CASP8: variants seen among roughly 807,000 people sequenced by gnomAD.
The protein encoded by CASP8 is caspase 8.
CASP8 carries 24 observed loss-of-function variants against 46.3 expected under a neutral mutation model. The observed-to-expected ratio is 0.52, with a 90% CI of 0.38 to 0.73. CASP8 has a LOEUF of 0.73. Ranked by LOEUF, CASP8 falls within the 30% of genes least tolerant of loss-of-function variation. CASP8 has a pLI of 0.00. For synonymous variants in CASP8, 188 were observed against 200.4 expected, an observed-to-expected ratio of 0.94 and a Z score of 0.52; for missense variants, 460 against 559.0, an observed-to-expected ratio of 0.82 and a Z score of 1.79.
chr2:201,247,095 AG>A (rs1559332601), intron 2 of CASP8, among the ~76,000 whole-genome samples: 2 of 148,294 alleles, frequency 1.3e-5, no homozygotes, highest in Non-Finnish European at 3.0e-5. Context: ...GAGCTGAGGC[AG>A]GAGAATTGCT....
intron 2 of CASP8, among the ~76,000 whole-genome samples, chr2:201,246,501 A>C (rs140346446): frequency 6.6e-6 from 1 of 152,300 alleles, no homozygotes; most frequent in Non-Finnish European, 1.5e-5. Context: ...TGAAAAAAAC[A>C]TATTATTATG....
chr2:201,277,339 T>C (rs1162137801), intron 7 of CASP8, among the ~76,000 whole-genome samples: 1 of 152,194 alleles, frequency 6.6e-6, no homozygotes. Context: ...TTTTTACAGG[T>C]TGGGCTGTTA....
chr2:201,236,635 A>G (rs1299703286), intron 2 of CASP8, among the ~76,000 whole-genome samples: 1 of 152,170 alleles, frequency 6.6e-6, no homozygotes, highest in East Asian at 1.9e-4. Flanking sequence ...CCCAGGCTGG[A>G]GTGCAGTGGT....
chr2:201,267,874 T>C (rs765512865), intron 2 of CASP8, among the ~76,000 whole-genome samples: 6 of 152,208 alleles, frequency 3.9e-5, no homozygotes, highest in Non-Finnish European at 7.4e-5. Flanking sequence ...AATGCTCTGG[T>C]CTTTCTATTC....
At position 201,269,519 on chromosome 2, in the gene CASP8, C is replaced by G. The variant is rs377216101; in HGVS notation, c.306-1997C>G. ...TCTTGGTCCTTTGAAGGTTCCACTT[C>G]TGCCGCATGAGCTGGGCTGAAGCAA... On this transcript the variant is annotated intron_variant, in intron 2 of 8. Transcript: ENST00000673742. The G allele has an allele frequency of 3.1e-6, 5 of 1,612,914 alleles. No individual in the cohort carries two copies. The African/African-American group carries it at 6.7e-5, about 22-fold the overall frequency.
At chr2:201,247,517 A>C (rs1576221738) in intron 2 of CASP8, among the ~76,000 whole-genome samples, 3 of 143,174 alleles carry the variant, frequency 2.1e-5, no homozygotes, top group Non-Finnish European at 1.5e-5. Flanking sequence ...ACAGAGCCTC[A>C]CTCTGTTGCC....
chr2:201,282,351 CG>C, intron 7 of CASP8, among the ~76,000 whole-genome samples: 1 of 52,552 alleles, frequency 1.9e-5, no homozygotes, highest in African/African-American at 6.1e-5. Context: ...CACACAGACC[CG>C]GCAACCATCC....
chr2:201,252,155 A>ATGTTTT (rs1333843096), intron 2 of CASP8, among the ~76,000 whole-genome samples: 19 of 152,036 alleles, frequency 1.2e-4, no homozygotes, highest in African/African-American at 4.6e-4. Context: ...CCATCTGTAT[A>ATGTTTT]TGTTTTTGGT....
At position 201,245,085 on chromosome 2, in the gene CASP8, G is replaced by A. The variant is rs76928048; in HGVS notation, c.-27+10973G>A. Among the ~76,000 whole-genome samples the A allele has an allele frequency of 1.6e-3, 236 of 152,238 alleles. 2 individuals carry two copies. The East Asian group carries it at 0.035, about 23-fold the overall frequency. ...TTGGAGGCGATAGAGAGCATAGGGC[G>A]TCCATCATATATGCCCCATGCTTGG... is the stretch of plus-strand genomic sequence containing the variant. On this transcript the variant is annotated intron_variant, in intron 2 of 6. Coordinates refer to the CASP8 transcript ENST00000264274.
chr2:201,252,406 G>C (rs1401551453), intron 2 of CASP8, among the ~76,000 whole-genome samples: 2 of 152,128 alleles, frequency 1.3e-5, no homozygotes, highest in African/African-American at 4.8e-5. Context: ...CTCCCGAGTA[G>C]CTGGGACTAC....
chr2:201,254,853 T>C (rs1946944610), intron 2 of CASP8, among the ~76,000 whole-genome samples: 1 of 152,230 alleles, frequency 6.6e-6, no homozygotes, highest in Admixed American at 6.5e-5. Flanking sequence ...CCTCATTCTG[T>C]GCTGGGCAGG....
At chr2:201,250,346 T>C (rs142745974) in intron 2 of CASP8, among the ~76,000 whole-genome samples, 2 of 152,362 alleles carry the variant, frequency 1.3e-5, no homozygotes, top group East Asian at 1.9e-4. Context: ...TCTAAAGAGA[T>C]ACCTGAGGTT....
intron 2 of CASP8, among the ~76,000 whole-genome samples, chr2:201,246,218 G>A (rs1417715873): frequency 1.3e-5 from 2 of 152,088 alleles, no homozygotes; most frequent in African/African-American, 2.4e-5. Context: ...GGCCTCTTTC[G>A]TTTTCAGTCT....
At chr2:201,284,652 G>C (rs1324546248) in intron 7 of CASP8, among the ~76,000 whole-genome samples, 164 bp from the exon 8 acceptor site, 15 of 36,236 alleles carry the variant, frequency 4.1e-4, no homozygotes, top group Admixed American at 6.2e-4. Context: ...GGCTCGGCAT[G>C]AGAGGGAGAG....
upstream of CASP8, chr2:201,258,036 A>G: frequency 1.6e-6 from 1 of 622,946 alleles, no homozygotes; most frequent in Non-Finnish European, 2.8e-6. Flanking sequence ...TGTTCGAGTG[A>G]GTCATCTCTG....
rs1343858041 is a variant in CASP8, at chr2:201,283,267, G to T, written c.803-1549G>T. Reference sequence around the variant, plus strand: ...GGACTGGGCGGCTGGCCGGGCGGGGGGTTGAACCCCCACCTCCCTCCTGGA... The same window carrying T: ...GGACTGGGCGGCTGGCCGGGCGGGGTGTTGAACCCCCACCTCCCTCCTGGA... On this transcript the variant is annotated intron_variant, in intron 7 of 8. Transcript: ENST00000673742. 6.3e-5 allele frequency among the ~76,000 whole-genome samples: 6 copies of T among 95,174 alleles called. No homozygotes were observed. In the East Asian group the frequency reaches 1.6e-3, roughly 25 times the overall value. The allele number at this position is 95,174 out of a possible 152,430, so 62.4% of individuals were successfully genotyped here. A position where few individuals can be genotyped will look rare whatever the true frequency, so the allele number is the denominator to read the frequency against.
At chr2:201,248,050 G>C (rs1390408651) in intron 2 of CASP8, among the ~76,000 whole-genome samples, 2 of 152,168 alleles carry the variant, frequency 1.3e-5, no homozygotes, top group African/African-American at 4.8e-5. Flanking sequence ...AAATTGGTAG[G>C]ATTACAGGTG....
At chr2:201,250,564 A>G (rs1397361028) in intron 2 of CASP8, among the ~76,000 whole-genome samples, 3 of 152,316 alleles carry the variant, frequency 2.0e-5, no homozygotes, top group Middle Eastern at 3.4e-3. Flanking sequence ...AAACAACCAG[A>G]ATATCATGAG....
upstream of CASP8, among the ~76,000 whole-genome samples, chr2:201,260,232 T>G: frequency 6.6e-6 from 1 of 152,114 alleles, no homozygotes; most frequent in Non-Finnish European, 1.5e-5. Flanking sequence ...ATCCTAAATA[T>G]GAAATGAAAG....
Sources: gnomAD v4.1 joint callset for allele counts (sites outside exome capture counted in the v4.1 genomes callset) on GRCh38, gnomAD v4.1.1 for gene constraint, MANE v1.5 for transcripts, NCBI Gene and HGNC (gene_info 2026-07-23, HGNC 2026-07-21) for gene names.